Variants in SLCO4A1 observed in about 807,000 individuals in gnomAD.
SLCO4A1 encodes the protein colon organic anion transporter.
A neutral mutation model predicts 64.6 loss-of-function variants in SLCO4A1; 51 were observed. That is an observed-to-expected ratio of 0.79 (90% CI 0.63 to 1.00). SLCO4A1 has a LOEUF of 1.00. Among genes scored for constraint, SLCO4A1 ranks in the 50% least tolerant of loss-of-function variants. The probability of loss-of-function intolerance (pLI) is 0.00; values close to 1 mark genes in which losing one functional copy is unlikely to be tolerated. For missense variants in SLCO4A1, 919 were observed against 980.5 expected, an observed-to-expected ratio of 0.94 and a Z score of 0.84; for synonymous variants, 471 against 444.9, an observed-to-expected ratio of 1.06 and a Z score of -0.74.
At chr20:62,670,013 A>T (rs1987001767) in intron 11 of SLCO4A1, 2 of 152,254 alleles carry the variant, frequency 1.3e-5, no homozygotes, top group Non-Finnish European at 2.9e-5. Flanking sequence ...AGAAGCAAAC[A>T]GTTCATAACC....
chr20:62,662,537 G>T (rs1186145847), intron 5 of SLCO4A1, among the ~76,000 whole-genome samples: 1 of 152,220 alleles, frequency 6.6e-6, no homozygotes, highest in South Asian at 2.1e-4. Flanking sequence ...TAAATCATGG[G>T]ACATGTTCCC....
At chr20:62,675,370 C>T (rs1041023630), downstream of SLCO4A1, among the ~76,000 whole-genome samples, 15 of 152,214 alleles carry the variant, frequency 9.9e-5, no homozygotes, top group South Asian at 2.1e-4. Context: ...CGGCCACCCA[C>T]GCGGGCTCTG....
intron 5 of SLCO4A1, among the ~76,000 whole-genome samples, chr20:62,662,632 C>T (rs974810692): frequency 6.6e-6 from 1 of 152,184 alleles, no homozygotes; most frequent in Non-Finnish European, 1.5e-5. Context: ...ATGAAGTTTG[C>T]ATAGCATTTC....
chr20:62,654,512 C>T (rs1005355453), intron 1 of SLCO4A1, among the ~76,000 whole-genome samples: 5 of 152,238 alleles, frequency 3.3e-5, no homozygotes, highest in Non-Finnish European at 5.9e-5. Context: ...CCCTGCATCT[C>T]CGTGCATCTC....
At chr20:62,648,632 T>C (rs115259428) in intron 1 of SLCO4A1, among the ~76,000 whole-genome samples, 1 of 152,218 alleles carries the variant, frequency 6.6e-6, no homozygotes, top group Non-Finnish European at 1.5e-5. Context: ...CCTCCCGTGA[T>C]GGGGCAGATT....
At chr20:62,666,923 C>T (rs1986457053) in intron 7 of SLCO4A1, among the ~76,000 whole-genome samples, 1 of 152,140 alleles carries the variant, frequency 6.6e-6, no homozygotes. Context: ...AAAAGTGTCC[C>T]AGGATGTGCT....
At chr20:62,689,299 G>C (rs550638141), downstream of SLCO4A1, among the ~76,000 whole-genome samples, 5 of 151,540 alleles carry the variant, frequency 3.3e-5, no homozygotes, top group African/African-American at 1.2e-4. Context: ...CCCGTGCCTC[G>C]CAGGCCTGTC....
Position 62,666,467 on chromosome 20 carries a change from T to C in SLCO4A1, c.1364T>C (p.Ile455Thr), listed in dbSNP as rs1404722399. Residue 455 changes from isoleucine (I) to threonine (T), a missense_variant, in exon 7 of 12, where the codon ATC (isoleucine) becomes ACC (threonine). Coordinates refer to ENST00000217159, the MANE Select transcript of SLCO4A1 (RefSeq NM_016354.4). ...NKLRLRGSAV[I>T]KFCLFCTVVS... ...CTCAGGCTCCGGGGCTCCGCGGTCATCAAGTTCTGCCTGTTCTGCACCGTT... is the reference window on the plus strand; with the variant it reads ...CTCAGGCTCCGGGGCTCCGCGGTCACCAAGTTCTGCCTGTTCTGCACCGTT... 1.9e-6 allele frequency: 3 copies of C among 1,613,344 alleles called. No homozygotes were observed. The highest frequency in any genetic ancestry group is 1.7e-6 in the Non-Finnish European group (2 of 1,179,954).
At chr20:62,643,315 G>C (rs1980735914) in intron 1 of SLCO4A1, 1 of 307,668 alleles carries the variant, frequency 3.3e-6, no homozygotes, top group Non-Finnish European at 6.4e-6. Context: ...GAGCAGGCAG[G>C]CTTAGCTGCC....
Position 62,656,604 on chromosome 20 carries a change from C to T in SLCO4A1, c.150C>T (p.Ser50=), listed in dbSNP as rs1983760720. 1.3e-6 allele frequency: 2 copies of T among 1,598,606 alleles called. No homozygotes were observed. The highest frequency in any genetic ancestry group is 1.3e-5 in the African/African-American group (1 of 74,668). ...SPGSLRSAAH[S]PLDTSKQPLC... ...GCTCCCTCCGCTCCGCTGCCCATAG[C>T]CCCCTGGACACCAGCAAGCAGCCCC... is the stretch of plus-strand genomic sequence containing the variant. Residue 50 remains serine (S), a synonymous_variant, in exon 2 of 12, where the codon AGC becomes AGT. Transcript: ENST00000217159.
In SLCO4A1 at chr20:62,672,046, C is replaced by A; in HGVS notation, c.*153C>A. The A allele has an allele frequency of 6.5e-7, 1 of 1,545,100 alleles. No individual in the cohort carries two copies. The highest frequency in any genetic ancestry group is 2.4e-5 in the East Asian group (1 of 41,848). The stretch of plus-strand genomic sequence containing the variant: ...TAAAGTCGGCTGTGACCTCCTGTCC[C>A]CAGAGCTGTACGGCCCTGCAGTGGG... On this transcript the variant is annotated 3_prime_UTR_variant, in exon 12 of 12. Transcript: ENST00000217159.
At chr20:62,662,787 C>T (rs1218612519) in intron 5 of SLCO4A1, among the ~76,000 whole-genome samples, 11 of 135,076 alleles carry the variant, frequency 8.1e-5, no homozygotes, top group African/African-American at 3.0e-4. Context: ...CCACTCCAGC[C>T]CCGTCACACC....
downstream of SLCO4A1, among the ~76,000 whole-genome samples, chr20:62,674,792 C>T (rs901729822): frequency 6.6e-6 from 1 of 152,162 alleles, no homozygotes; most frequent in African/African-American, 2.4e-5. Context: ...ATTCGTAGCC[C>T]TGTAACAGAG....
At position 62,685,210 on chromosome 20, in the gene SLCO4A1, C is replaced by A. The variant is rs917406360; in HGVS notation, n.212-231C>A. Among the ~76,000 whole-genome samples, 2 of 102,670 alleles carry A rather than the reference C, an allele frequency of 1.9e-5. No homozygotes were observed. Among genetic ancestry groups the A allele is most frequent in the Non-Finnish European group, 3.9e-5 (2 of 50,782 alleles). 67.4% of individuals were successfully genotyped at this position (102,670 alleles called of 152,430 possible). A position where few individuals can be genotyped will look rare whatever the true frequency, so the allele number is the denominator to read the frequency against. ...CAGGCCTTGGGTGCAGTGAAGCAGG[C>A]GGGCAGGGGAGGGTGGCAGCGGGGT... is the stretch of plus-strand genomic sequence containing the variant. On this transcript the variant is annotated intron_variant and non_coding_transcript_variant, in intron 2 of 2. Coordinates refer to the SLCO4A1 transcript ENST00000466818. The surrounding 1 kb of genome is among the most constrained non-coding windows in gnomAD (Gnocchi z 4.6).
chr20:62,685,436 T>G lies in SLCO4A1; in HGVS notation n.212-5T>G, dbSNP rs1988027735. 1 of 985,076 alleles carries G rather than the reference T, an allele frequency of 1.0e-6. No homozygotes were observed. Among genetic ancestry groups the G allele is most frequent in the Non-Finnish European group, 1.2e-6 (1 of 829,668 alleles). 61.0% of individuals were successfully genotyped at this position (985,076 alleles called of 1,614,324 possible). On this transcript the variant is annotated splice_region_variant and splice_polypyrimidine_tract_variant and intron_variant and non_coding_transcript_variant, in intron 2 of 2. Coordinates refer to the SLCO4A1 transcript ENST00000466818. The surrounding 1 kb of genome is among the most constrained non-coding windows in gnomAD (Gnocchi z 4.6). The stretch of plus-strand genomic sequence containing the variant: ...TCTTGCTTTGTTTGTTGTTTTTTTC[T>G]TAAGGAAGAAGAGAATGAATTTAGA...
At position 62,656,742 on chromosome 20, in the gene SLCO4A1, G is replaced by A. The variant is rs748418428; in HGVS notation, c.288G>A (p.Leu96=). ...GGTGGGCCTTCGCACCGCCGTGCCT[G>A]CAGGTCCTCAACACGCCCAAGGGCA... ...CGWWAFAPPC[L]QVLNTPKGIL... Residue 96 remains leucine (L), a synonymous_variant, in exon 2 of 12, where the codon CTG becomes CTA. Transcript: ENST00000217159. 1.2e-6 allele frequency: 2 copies of A among 1,612,112 alleles called. No homozygotes were observed. The highest frequency in any genetic ancestry group is 1.7e-5 in the Admixed American group (1 of 59,982).
At chr20:62,658,849 T>A in intron 3 of SLCO4A1, 82 bp downstream of exon 3, 1 of 1,241,134 alleles carries the variant, frequency 8.1e-7, no homozygotes, top group Non-Finnish European at 1.1e-6. Flanking sequence ...CAGGGCCCAC[T>A]CTGAGTCAGG....
rs544377477 is a variant in SLCO4A1, at chr20:62,685,769, A to T, written n.540A>T. The T allele has an allele frequency of 6.6e-6, 1 of 152,294 alleles. No individual in the cohort carries two copies. The highest frequency in any genetic ancestry group is 1.9e-4 in the East Asian group (1 of 5,186). 9.4% of individuals were successfully genotyped at this position (152,294 alleles called of 1,614,324 possible). On this transcript the variant is annotated non_coding_transcript_exon_variant, in exon 3 of 3. Transcript: ENST00000466818. The surrounding 1 kb of genome is among the most constrained non-coding windows in gnomAD (Gnocchi z 4.6). ...GCAGATGCGCCCGTTCTAAGGAAAT[A>T]AAGGGTTCTGCCCTCCTAAGAATTC...
intron 4 of SLCO4A1, among the ~76,000 whole-genome samples, 154 bp downstream of exon 4, chr20:62,660,687 G>A (rs911688349): frequency 1.3e-5 from 2 of 152,226 alleles, no homozygotes; most frequent in South Asian, 2.1e-4. Context: ...TCTGGGTGGA[G>A]AGACGCCTCC....
Sources: gnomAD v4.1 joint callset for allele counts (sites outside exome capture counted in the v4.1 genomes callset) on GRCh38, gnomAD v4.1.1 for gene constraint, Gnocchi (gnomAD v3.1) non-coding constraint, MANE v1.5 for transcripts, NCBI Gene and HGNC (gene_info 2026-07-23, HGNC 2026-07-21) for gene names.